Variants in MPPED2 observed in about 807,000 individuals in gnomAD.
MPPED2 encodes metallophosphoesterase MPPED2.
Under a neutral mutation model 33.0 loss-of-function variants are expected in MPPED2, and 5 were observed. The observed-to-expected ratio is 0.15, with a 90% CI of 0.08 to 0.32. The LOEUF (loss-of-function observed/expected upper bound fraction) is 0.32, where lower values mean the gene tolerates loss of function less well. MPPED2 is among the 10% of genes least tolerant of loss of function. MPPED2 has a pLI of 1.00. For missense variants in MPPED2, 275 were observed against 372.1 expected (o/e 0.74, Z 2.15); for synonymous variants, 136 against 141.9 (o/e 0.96, Z 0.29).
chr11:30,566,528 T>C (rs1956449769), intron 2 of MPPED2, among the ~76,000 whole-genome samples: 1 of 152,140 alleles, frequency 6.6e-6, no homozygotes, highest in Admixed American at 6.6e-5. Flanking sequence ...TTACCCTTTT[T>C]AAAGCCAAGT....
intron 4 of MPPED2, among the ~76,000 whole-genome samples, chr11:30,432,739 AT>A (rs1949138356): frequency 6.6e-6 from 1 of 152,220 alleles, no homozygotes; most frequent in African/African-American, 2.4e-5. Context: ...TTTGATGTAT[AT>A]ATTTCTAGGT....
At chr11:30,478,942 G>A (rs936577619) in intron 4 of MPPED2, among the ~76,000 whole-genome samples, 3 of 152,094 alleles carry the variant, frequency 2.0e-5, no homozygotes, top group African/African-American at 7.2e-5. Context: ...TGATGCTTTA[G>A]AAGAAAGGAA....
chr11:30,585,874 C>G (rs1338301758), intron 1 of MPPED2, among the ~76,000 whole-genome samples, 168 bp downstream of exon 1: 1 of 152,208 alleles, frequency 6.6e-6, no homozygotes, highest in Non-Finnish European at 1.5e-5. Flanking sequence ...CGGGGCAGCC[C>G]GGGTCCGCAG....
In MPPED2 at chr11:30,410,476, T is replaced by C; in HGVS notation, c.*992A>G. On this transcript the variant is annotated 3_prime_UTR_variant, in exon 7 of 7. Coordinates refer to ENST00000358117, the MANE Select transcript of MPPED2 (RefSeq NM_001584.3). Reference sequence around the variant, plus strand: ...AAGTAAGAAGACAACTTGGGGTATTTAAATAGAAAGGACAACTAAGCCTTA... The same window carrying C: ...AAGTAAGAAGACAACTTGGGGTATTCAAATAGAAAGGACAACTAAGCCTTA... 1 of 985,808 alleles carries C rather than the reference T, an allele frequency of 1.0e-6. No homozygotes were observed. The highest frequency in any genetic ancestry group is 4.7e-5 in the South Asian group (1 of 21,286). The allele number at this position is 985,808 out of a possible 1,614,324, so 61.1% of individuals were successfully genotyped here. A position where few individuals can be genotyped will look rare whatever the true frequency, so the allele number is the denominator to read the frequency against.
chr11:30,417,370 C>T, intron 5 of MPPED2, 148 bp downstream of exon 5: 3 of 544,270 alleles, frequency 5.5e-6, no homozygotes, highest in Non-Finnish European at 1.0e-5. Flanking sequence ...AATTATCATA[C>T]TGAGTTTCTT....
chr11:30,386,513 C>T, exon 7 of MPPED2: 1 of 376,928 alleles, frequency 2.7e-6, no homozygotes. Flanking sequence ...GCTTGCAGAA[C>T]TGTGATTTAA....
In MPPED2 at chr11:30,481,234, C is replaced by T. The variant is rs1951472774; in HGVS notation, c.536+14062G>A. 2.0e-5 allele frequency among the ~76,000 whole-genome samples: 3 copies of T among 152,102 alleles called. No homozygotes were observed. The South Asian group carries it at 6.2e-4, about 32-fold the overall frequency. On this transcript the variant is annotated intron_variant, in intron 4 of 6. Transcript: ENST00000358117. ...ATGCCTTATTTTCTGTTCCAGTCAA[C>T]TGCACCGTGCAGTTTATTATACACC...
chr11:30,495,033 A>G, intron 4 of MPPED2: 1 of 433,716 alleles, frequency 2.3e-6, no homozygotes, highest in African/African-American at 2.0e-5. Context: ...CTGGACCAAT[A>G]CCCCATGGAC....
chr11:30,406,029 A>G (rs1272300996), downstream of MPPED2, among the ~76,000 whole-genome samples: 1 of 152,156 alleles, frequency 6.6e-6, no homozygotes, highest in Non-Finnish European at 1.5e-5. Flanking sequence ...AAAACGCATG[A>G]CAAACAGCCA....
intron 5 of MPPED2, among the ~76,000 whole-genome samples, chr11:30,416,800 A>C (rs1948382340): frequency 1.3e-5 from 2 of 152,226 alleles, no homozygotes; most frequent in African/African-American, 4.8e-5. Context: ...TCAGGGCGGT[A>C]GTCCTTGTTG....
At chr11:30,479,507 T>C (rs562152) in intron 4 of MPPED2, among the ~76,000 whole-genome samples, 49,078 of 151,840 alleles carry the variant, frequency 0.32, 8,226 homozygotes, top group East Asian at 0.49. Flanking sequence ...AACCAAAAGC[T>C]TGACAAATAA....
downstream of MPPED2, among the ~76,000 whole-genome samples, chr11:30,406,043 T>C (rs1195942165): frequency 1.3e-5 from 2 of 152,178 alleles, no homozygotes; most frequent in Non-Finnish European, 2.9e-5. Flanking sequence ...ACAGCCATCA[T>C]GTTCTGAGGT....
At chr11:30,498,341 T>C (rs1952386571) in intron 3 of MPPED2, among the ~76,000 whole-genome samples, 1 of 151,976 alleles carries the variant, frequency 6.6e-6, no homozygotes, top group Non-Finnish European at 1.5e-5. Flanking sequence ...TCCCAGCACT[T>C]TGGGAGGTCA....
At chr11:30,402,662 T>C (rs993062355) in intron 6 of MPPED2, among the ~76,000 whole-genome samples, 3 of 152,216 alleles carry the variant, frequency 2.0e-5, no homozygotes, top group Admixed American at 6.5e-5. Context: ...TTCTCCTTCC[T>C]ATTCCCATTC....
At chr11:30,492,697 A>G (rs141899574) in intron 4 of MPPED2, among the ~76,000 whole-genome samples, 393 of 92,934 alleles carry the variant, frequency 4.2e-3, no homozygotes, top group Admixed American at 6.4e-3. Flanking sequence ...TTAAAAAAAT[A>G]AATTGACGTA....
At chr11:30,484,989 A>C (rs542968582) in intron 4 of MPPED2, among the ~76,000 whole-genome samples, 1 of 152,310 alleles carries the variant, frequency 6.6e-6, no homozygotes, top group East Asian at 1.9e-4. Flanking sequence ...AAACAAAACA[A>C]AACCAAAAAA....
chr11:30,548,137 A>G (rs1380018), intron 2 of MPPED2, among the ~76,000 whole-genome samples: 34,794 of 151,994 alleles, frequency 0.23, 4,300 homozygotes, highest in East Asian at 0.41. Context: ...TCAAAGCTTC[A>G]TTTACCTCAT....
chr11:30,411,813 T>A (rs1443184052), intron 6 of MPPED2, among the ~76,000 whole-genome samples: 2 of 152,196 alleles, frequency 1.3e-5, no homozygotes, highest in African/African-American at 2.4e-5. Flanking sequence ...TTTTTTTCTT[T>A]ATTTAAATGC....
At chr11:30,407,580 C>T (rs138999667), downstream of MPPED2, among the ~76,000 whole-genome samples, 231 of 152,242 alleles carry the variant, frequency 1.5e-3, 2 homozygotes, top group African/African-American at 5.1e-3. Flanking sequence ...CAGACAGAAC[C>T]CTGACTGAAG....
Sources: gnomAD v4.1 joint callset for allele counts (sites outside exome capture counted in the v4.1 genomes callset) on GRCh38, gnomAD v4.1.1 for gene constraint, MANE v1.5 for transcripts, NCBI Gene and HGNC (gene_info 2026-07-23, HGNC 2026-07-21) for gene names.